The following SETD3 variants were observed in gnomAD, a reference collection of about 807,000 sequenced individuals.
SETD3 encodes actin-histidine N-methyltransferase.
A neutral mutation model predicts 63.0 loss-of-function variants in SETD3; 19 were observed. That is an observed-to-expected ratio of 0.30 (90% CI 0.21 to 0.44). SETD3 has a LOEUF of 0.44. SETD3 is among the 20% of genes least tolerant of loss of function. The pLI is 1.00. For missense variants in SETD3, 587 were observed against 728.5 expected, an observed-to-expected ratio of 0.81 and a Z score of 2.24; for synonymous variants, 286 against 264.1, an observed-to-expected ratio of 1.08 and a Z score of -0.80.
intron 6 of SETD3, among the ~76,000 whole-genome samples, chr14:99,457,483 AG>A (rs758850208): frequency 6.6e-6 from 1 of 152,256 alleles, no homozygotes; most frequent in African/African-American, 2.4e-5. Context: ...AGACCATTTA[AG>A]GAACAACCAA....
chr14:99,399,178 A>T (rs1402375118), intron 12 of SETD3, 53 bp from the exon 13 acceptor site: 1 of 1,538,230 alleles, frequency 6.5e-7, no homozygotes, highest in East Asian at 2.2e-5. Flanking sequence ...GCAAAACTAT[A>T]GAGACAGAGG....
chr14:99,443,828 G>T (rs1474966883), intron 6 of SETD3, among the ~76,000 whole-genome samples: 3 of 152,184 alleles, frequency 2.0e-5, no homozygotes, highest in Non-Finnish European at 4.4e-5. Flanking sequence ...ATAAGGAATG[G>T]CTTTCTAACT....
chr14:99,412,806 G>A, intron 8 of SETD3, 145 bp downstream of exon 8: 1 of 616,892 alleles, frequency 1.6e-6, no homozygotes, highest in Non-Finnish European at 3.0e-6. Context: ...GCGGTGGGGA[G>A]GAGTGGCCGG....
Position 99,465,638 on chromosome 14 carries a change from G to T in SETD3, c.103+65C>A, listed in dbSNP as rs888332274. ...TGTCTGATGCACGCGTCCCCATTCT[G>T]GTGACAAAGAAGAAAAAGGCACAGC... On this transcript the variant is annotated intron_variant, in intron 2 of 12. Transcript: ENST00000331768. 1.6e-5 allele frequency: 21 copies of T among 1,312,476 alleles called. No individual in the cohort carries two copies. In the African/African-American group the frequency reaches 2.9e-4, roughly 18 times the overall value. The allele number at this position is 1,312,476 out of a possible 1,614,324, so 81.3% of individuals were successfully genotyped here. A position where few individuals can be genotyped will look rare whatever the true frequency, so the allele number is the denominator to read the frequency against.
Position 99,405,216 on chromosome 14 carries a change from G to C in SETD3, c.1080C>G (p.Ala360=), listed in dbSNP as rs146570207. The C allele has an allele frequency of 3.5e-5, 57 of 1,612,262 alleles. No homozygotes were observed. In the Admixed American group the frequency reaches 3.9e-4, roughly 11 times the overall value. The stretch of plus-strand genomic sequence containing the variant: ...GTTTTTCTACGTACGTGGGGATGCC[G>C]GCACGAGCCAAGACCTCGGCCTTCA... ...YAMKAEVLAR[A]GIPTSSVFAL... The change falls in exon 10 of 13, where the codon GCC becomes GCG. Residue 360 remains alanine (A), a synonymous_variant. Coordinates refer to ENST00000331768, the MANE Select transcript of SETD3 (RefSeq NM_032233.3).
chr14:99,445,649 T>TA (rs1215651404), intron 6 of SETD3, among the ~76,000 whole-genome samples: 1 of 152,126 alleles, frequency 6.6e-6, no homozygotes, highest in African/African-American at 2.4e-5. Context: ...GACACCAGAG[T>TA]ATGGGTATAC....
At position 99,458,353 on chromosome 14, in the gene SETD3, G is replaced by C; in HGVS notation, c.601C>G (p.Gln201Glu). Residue 201 changes from glutamine (Q) to glutamate (E), a missense_variant, in exon 6 of 13, where the codon CAA (glutamine) becomes GAA (glutamate). Physicochemically the swap from Gln to Glu is conservative, Grantham distance 29 (BLOSUM62 2). Coordinates refer to ENST00000331768, the MANE Select transcript of SETD3 (RefSeq NM_032233.3). ...TGGCTGAAGACATCATGTATAGCTT[G>C]TGTGGACTGAAGATACCGAACTTCA... ...EDEVRYLQST[Q>E]AIHDVFSQYK... 6.2e-7 allele frequency: 1 copy of C among 1,614,126 alleles called. No individual in the cohort carries two copies. Among genetic ancestry groups the C allele is most frequent in the Non-Finnish European group, 8.5e-7 (1 of 1,180,032 alleles).
chr14:99,480,250 G>A (rs947969700), intron 1 of SETD3, among the ~76,000 whole-genome samples: 5 of 152,096 alleles, frequency 3.3e-5, no homozygotes, highest in Admixed American at 2.6e-4. Context: ...GTGACGGGAG[G>A]AAGGAAGGAA....
chr14:99,418,901 T>TC (rs1438896727), intron 6 of SETD3, among the ~76,000 whole-genome samples: 1 of 152,152 alleles, frequency 6.6e-6, no homozygotes, highest in Non-Finnish European at 1.5e-5. Flanking sequence ...CCTTGAGGTT[T>TC]CCCCTTTCCA....
chr14:99,399,321 G>T (rs1595134738), intron 12 of SETD3, among the ~76,000 whole-genome samples, 196 bp from the exon 13 acceptor site: 3 of 152,132 alleles, frequency 2.0e-5, no homozygotes, highest in African/African-American at 7.2e-5. Flanking sequence ...GCCTTTCATT[G>T]TATGTAAATT....
At chr14:99,407,573 C>T (rs966519037) in intron 8 of SETD3, among the ~76,000 whole-genome samples, 1 of 152,200 alleles carries the variant, frequency 6.6e-6, no homozygotes, top group African/African-American at 2.4e-5. Flanking sequence ...TCGGAATAAA[C>T]CCCAAGTTCC....
intron 6 of SETD3, among the ~76,000 whole-genome samples, chr14:99,457,194 T>G (rs1322481239): frequency 6.6e-6 from 1 of 152,218 alleles, no homozygotes; most frequent in Non-Finnish European, 1.5e-5. Flanking sequence ...AGTTTTTAAA[T>G]TAAGCCAACT....
chr14:99,467,764 G>GT (rs1273272177), intron 1 of SETD3, among the ~76,000 whole-genome samples: 1 of 152,160 alleles, frequency 6.6e-6, no homozygotes, highest in African/African-American at 2.4e-5. Flanking sequence ...TCTCTTAACA[G>GT]TAAGTGAGCC....
At chr14:99,421,876 T>C (rs1027322686) in intron 6 of SETD3, among the ~76,000 whole-genome samples, 5 of 152,216 alleles carry the variant, frequency 3.3e-5, no homozygotes, top group Non-Finnish European at 7.3e-5. Flanking sequence ...CTAGTTGTCC[T>C]ACTTTTATAA....
At chr14:99,482,161 G>C (rs1896353678), upstream of SETD3, among the ~76,000 whole-genome samples, 1 of 152,218 alleles carries the variant, frequency 6.6e-6, no homozygotes, top group African/African-American at 2.4e-5. Flanking sequence ...AATTTAGACT[G>C]CCAGTTAAAC....
intron 6 of SETD3, among the ~76,000 whole-genome samples, chr14:99,417,048 T>C (rs1892327057): frequency 6.6e-6 from 1 of 152,226 alleles, no homozygotes; most frequent in Non-Finnish European, 1.5e-5. Context: ...TATGTAAGTA[T>C]GACATTTTGA....
At chr14:99,411,637 G>A (rs981341457) in intron 8 of SETD3, 1 of 152,010 alleles carries the variant, frequency 6.6e-6, no homozygotes, top group Non-Finnish European at 1.5e-5. Context: ...TTCAAAAAAA[G>A]AAGAAGAAAA....
intron 1 of SETD3, among the ~76,000 whole-genome samples, chr14:99,473,400 T>C (rs1004075595): frequency 2.0e-5 from 3 of 152,250 alleles, no homozygotes; most frequent in Non-Finnish European, 4.4e-5. Context: ...GCATTTTTTT[T>C]CAAACACTCT....
In SETD3 at chr14:99,410,086, C is replaced by T. The variant is rs576974819; in HGVS notation, c.849+2865G>A. ...GGCAGGAGGGCGGATGAGCTGGAGG[C>T]GTAGTCATTCCACATAGGGTGCTCA... is the stretch of plus-strand genomic sequence containing the variant. On this transcript the variant is annotated intron_variant, in intron 8 of 12. Coordinates refer to ENST00000331768, the MANE Select transcript of SETD3 (RefSeq NM_032233.3). 6.7e-5 allele frequency: 56 copies of T among 836,754 alleles called. 3 individuals carry two copies. In the South Asian group the frequency reaches 8.3e-4, roughly 12 times the overall value. The allele number at this position is 836,754 out of a possible 1,614,324, so 51.8% of individuals were successfully genotyped here. A position where few individuals can be genotyped will look rare whatever the true frequency, so the allele number is the denominator to read the frequency against.
Sources: allele counts gnomAD v4.1 joint callset (sites outside exome capture counted in the v4.1 genomes callset), GRCh38; gene constraint gnomAD v4.1.1; transcripts MANE v1.5; gene names NCBI Gene and HGNC (gene_info 2026-07-23, HGNC 2026-07-21).